The following ZMAT4 variants were observed in gnomAD, a reference collection of about 807,000 sequenced individuals.
The protein encoded by ZMAT4 is zinc finger matrin-type protein 4.
ZMAT4 carries 17 observed loss-of-function variants against 28.7 expected under a neutral mutation model. That is an observed-to-expected ratio of 0.59 (90% CI 0.41 to 0.89). The LOEUF is 0.89. Among genes scored for constraint, ZMAT4 ranks in the 40% least tolerant of loss-of-function variants. The pLI is 0.00. For synonymous variants in ZMAT4, 117 were observed against 109.2 expected (o/e 1.07, Z -0.44); for missense variants, 240 against 283.8 (o/e 0.85, Z 1.11).
intron 2 of ZMAT4, among the ~76,000 whole-genome samples, chr8:40,793,040 T>C (rs1359884714): frequency 3.3e-5 from 5 of 151,990 alleles, no homozygotes; most frequent in Admixed American, 2.6e-4. Context: ...TATGTACTTG[T>C]CAACACTCAT....
chr8:40,758,990 A>T (rs1171626856), intron 3 of ZMAT4, among the ~76,000 whole-genome samples: 2 of 152,220 alleles, frequency 1.3e-5, no homozygotes, highest in African/African-American at 2.4e-5. Context: ...GGTATCTGAG[A>T]AAAGCCAGTC....
intron 1 of ZMAT4, among the ~76,000 whole-genome samples, chr8:40,846,125 C>G (rs920094536): frequency 6.6e-6 from 1 of 152,128 alleles, no homozygotes; most frequent in Non-Finnish European, 1.5e-5. Flanking sequence ...CAGCTGAGAC[C>G]GGGAGATAGC....
chr8:40,639,170 A>C (rs1187241055), intron 5 of ZMAT4, among the ~76,000 whole-genome samples: 2 of 152,250 alleles, frequency 1.3e-5, no homozygotes, highest in Non-Finnish European at 2.9e-5. Flanking sequence ...ACTCTTCAGA[A>C]GGAATTCTTG....
At chr8:40,541,613 G>A (rs745777078) in intron 6 of ZMAT4, among the ~76,000 whole-genome samples, 11 of 152,132 alleles carry the variant, frequency 7.2e-5, no homozygotes, top group South Asian at 2.1e-4. Context: ...CGCTCACCAC[G>A]GAACATTCCA....
At chr8:40,593,504 A>G (rs1312848588) in intron 5 of ZMAT4, among the ~76,000 whole-genome samples, 1 of 152,138 alleles carries the variant, frequency 6.6e-6, no homozygotes, top group Non-Finnish European at 1.5e-5. Context: ...GATTTCCCTG[A>G]GTAAGCATCA....
intron 2 of ZMAT4, among the ~76,000 whole-genome samples, chr8:40,793,951 A>G (rs13251539): frequency 0.14 from 21,696 of 152,178 alleles, 1,940 homozygotes; most frequent in Non-Finnish European, 0.2. Context: ...CCTTCTGTGG[A>G]AAACAAAGCA....
At chr8:40,594,557 CAA>C (rs1259798986) in intron 5 of ZMAT4, among the ~76,000 whole-genome samples, 1 of 152,078 alleles carries the variant, frequency 6.6e-6, no homozygotes, top group East Asian at 1.9e-4. Context: ...TGTACCTACT[CAA>C]AGAGTTAATA....
At chr8:40,863,868 T>C (rs1009711132) in intron 1 of ZMAT4, among the ~76,000 whole-genome samples, 4 of 152,234 alleles carry the variant, frequency 2.6e-5, no homozygotes, top group Non-Finnish European at 4.4e-5. Context: ...ATTCATATTT[T>C]ACACACACAA....
intron 5 of ZMAT4, among the ~76,000 whole-genome samples, chr8:40,591,084 A>G (rs1353670080): frequency 3.3e-5 from 5 of 151,972 alleles, no homozygotes; most frequent in Non-Finnish European, 2.9e-5. Flanking sequence ...CTGACTCTTC[A>G]TGTCTGTGTC....
chr8:40,875,975 G>T (rs1220580430), intron 1 of ZMAT4, among the ~76,000 whole-genome samples: 1 of 152,194 alleles, frequency 6.6e-6, no homozygotes, highest in African/African-American at 2.4e-5. Context: ...TAGACCAAGG[G>T]TGGCGACAGG....
At chr8:40,792,687 A>AGGAGGAGAGGGGAGG (rs1814411061) in intron 2 of ZMAT4, among the ~76,000 whole-genome samples, 1 of 7,252 alleles carries the variant, frequency 1.4e-4, no homozygotes, top group African/African-American at 8.4e-4. Flanking sequence ...GGGAGGGGAG[A>AGGAGGAGAGGGGAGG]GGAGGAGAGG....
At chr8:40,752,605 C>T (rs1232835761) in intron 3 of ZMAT4, among the ~76,000 whole-genome samples, 1 of 152,200 alleles carries the variant, frequency 6.6e-6, no homozygotes, top group Non-Finnish European at 1.5e-5. Flanking sequence ...GGGACAGCAA[C>T]GTTCCAATTC....
At chr8:40,747,908 C>A (rs574920528) in intron 3 of ZMAT4, among the ~76,000 whole-genome samples, 1 of 152,206 alleles carries the variant, frequency 6.6e-6, no homozygotes, top group East Asian at 1.9e-4. Flanking sequence ...AATCATCACT[C>A]AATGTACCAA....
intron 1 of ZMAT4, among the ~76,000 whole-genome samples, chr8:40,862,192 T>G (rs1413847935): frequency 6.6e-6 from 1 of 152,078 alleles, no homozygotes; most frequent in African/African-American, 2.4e-5. Flanking sequence ...AATGATAGAC[T>G]GGATTAAGAA....
At chr8:40,720,507 C>T (rs534182038) in intron 3 of ZMAT4, among the ~76,000 whole-genome samples, 42 of 150,516 alleles carry the variant, frequency 2.8e-4, no homozygotes, top group African/African-American at 1.0e-3. Flanking sequence ...AAAATATCAG[C>T]ATGCCTGGGT....
chr8:40,835,795 C>T (rs1816458618), intron 1 of ZMAT4, among the ~76,000 whole-genome samples: 1 of 152,188 alleles, frequency 6.6e-6, no homozygotes, highest in Non-Finnish European at 1.5e-5. Context: ...TCTGAGGTTG[C>T]TGCAAGTGCT....
chr8:40,894,803 C>T (rs1366531527), intron 1 of ZMAT4, among the ~76,000 whole-genome samples: 3 of 151,856 alleles, frequency 2.0e-5, no homozygotes, highest in Non-Finnish European at 4.4e-5. Flanking sequence ...ATTGTAAAAG[C>T]GTTTACCAAA....
intron 5 of ZMAT4, among the ~76,000 whole-genome samples, chr8:40,593,467 C>T (rs920925447): frequency 6.6e-6 from 1 of 152,160 alleles, no homozygotes; most frequent in Non-Finnish European, 1.5e-5. Context: ...CATTTCTTCC[C>T]AAATGTTGGG....
chr8:40,650,438 C>T (rs368961509), intron 5 of ZMAT4, among the ~76,000 whole-genome samples: 3 of 115,422 alleles, frequency 2.6e-5, no homozygotes, highest in African/African-American at 5.7e-5. Context: ...TAATCAATAG[C>T]TTACCAACCA....
Sources: allele counts gnomAD v4.1 joint callset (sites outside exome capture counted in the v4.1 genomes callset), GRCh38; gene constraint gnomAD v4.1.1; transcripts MANE v1.5; gene names NCBI Gene and HGNC (gene_info 2026-07-23, HGNC 2026-07-21).